Variants in ZNF30 observed in about 807,000 individuals in gnomAD.
ZNF30 encodes zinc finger protein 30, also known as zinc finger protein 30 (KOX 28).
A neutral mutation model predicts 13.2 loss-of-function variants in ZNF30; 15 were observed. The ratio of observed to expected loss-of-function variants is 1.13; its 90% CI spans 0.76 to 1.75. The LOEUF is 1.75. Among genes scored for constraint, ZNF30 ranks in the 40% most tolerant of loss-of-function variants. The pLI is 0.00. For synonymous variants in ZNF30, 223 were observed against 256.6 expected (o/e 0.87, Z 1.25); for missense variants, 726 against 757.0 (o/e 0.96, Z 0.48).
chr19:34,939,801 T>C (rs1281056493), intron 4 of ZNF30, among the ~76,000 whole-genome samples: 1 of 152,218 alleles, frequency 6.6e-6, no homozygotes, highest in African/African-American at 2.4e-5. Context: ...AGTCTTTCTT[T>C]TTTCACATGC....
At position 34,943,339 on chromosome 19, in the gene ZNF30, T is replaced by C. The variant is rs775421906; in HGVS notation, c.373T>C (p.Tyr125His). Residue 125 changes from tyrosine to histidine, a missense_variant, in exon 5 of 5, where the codon TAT becomes CAT. Physicochemically the swap from Tyr to His is moderately conservative, Grantham distance 83. Transcript: ENST00000601142. ...SRQKPRECQE[Y>H]GKTLCQDSKP... Reference sequence around the variant, plus strand: ...ACAGAAACCACGTGAATGTCAGGAATATGGAAAGACCCTTTGTCAAGACTC... The same window carrying C: ...ACAGAAACCACGTGAATGTCAGGAACATGGAAAGACCCTTTGTCAAGACTC... The C allele has an allele frequency of 1.2e-6, 2 of 1,613,992 alleles. No individual in the cohort carries two copies. Among genetic ancestry groups the C allele is most frequent in the Non-Finnish European group, 1.7e-6 (2 of 1,179,890 alleles).
At chr19:34,940,999 T>C (rs552489201) in intron 4 of ZNF30, among the ~76,000 whole-genome samples, 43 of 152,342 alleles carry the variant, frequency 2.8e-4, no homozygotes, top group African/African-American at 1.0e-3. Flanking sequence ...TCTTTAGAGA[T>C]GTGAGTACAA....
At chr19:34,925,573 T>C (rs1017280443), upstream of ZNF30, among the ~76,000 whole-genome samples, 1 of 151,902 alleles carries the variant, frequency 6.6e-6, no homozygotes, top group Non-Finnish European at 1.5e-5. Context: ...GGTCTCAGAG[T>C]ATTTATAGGG....
intron 3 of ZNF30, among the ~76,000 whole-genome samples, chr19:34,932,379 TATAAA>T (rs974907999): frequency 6.6e-6 from 1 of 152,214 alleles, no homozygotes; most frequent in Non-Finnish European, 1.5e-5. Flanking sequence ...TTTTATTTCA[TATAAA>T]ATAATCTGAT....
At position 34,931,870 on chromosome 19, in the gene ZNF30, T is replaced by A; in HGVS notation, c.37T>A (p.Ser13Thr). The stretch of plus-strand genomic sequence containing the variant: ...ATATGTGGGTTTGCAGTATCACGGA[T>A]CAGTGACATTTGAGGATGTGGCCAT... Reference protein sequence around the residue: ...HKYVGLQYHGSVTFEDVAIAF... With the variant: ...HKYVGLQYHGTVTFEDVAIAF... The change falls in exon 3 of 5, where the codon TCA becomes ACA. Residue 13 changes from serine (S) to threonine (T), a missense_variant. By Grantham distance (58) the Ser-to-Thr change is moderately conservative. Transcript: ENST00000601142. The A allele has an allele frequency of 1.2e-6, 2 of 1,612,432 alleles. No individual in the cohort carries two copies. Among genetic ancestry groups the A allele is most frequent in the South Asian group, 2.2e-5 (2 of 90,676 alleles).
intron 4 of ZNF30, among the ~76,000 whole-genome samples, chr19:34,935,508 T>C (rs1252025169): frequency 6.6e-6 from 1 of 152,160 alleles, no homozygotes; most frequent in Non-Finnish European, 1.5e-5. Context: ...GTCAGCCTGC[T>C]ATGCTTATGG....
At chr19:34,928,925 C>A (rs2012280173) in intron 1 of ZNF30, among the ~76,000 whole-genome samples, 1 of 152,204 alleles carries the variant, frequency 6.6e-6, no homozygotes, top group African/African-American at 2.4e-5. Context: ...GGGGTTCCGT[C>A]AGACATCTAC....
intron 4 of ZNF30, among the ~76,000 whole-genome samples, chr19:34,941,298 T>C (rs972863016): frequency 6.6e-6 from 1 of 152,222 alleles, no homozygotes; most frequent in Non-Finnish European, 1.5e-5. Flanking sequence ...GGAGTCTCAC[T>C]CTGTTGCCCA....
chr19:34,925,310 C>A (rs990790647), upstream of ZNF30, among the ~76,000 whole-genome samples: 1 of 152,244 alleles, frequency 6.6e-6, no homozygotes, highest in Non-Finnish European at 1.5e-5. Context: ...CCAGAAGAAT[C>A]AGATCACACA....
At chr19:34,939,035 CA>C (rs958539555) in intron 4 of ZNF30, among the ~76,000 whole-genome samples, 2 of 151,894 alleles carry the variant, frequency 1.3e-5, no homozygotes, top group Non-Finnish European at 2.9e-5. Flanking sequence ...AGAGATTCTA[CA>C]TTTAGGGAAG....
Position 34,944,905 on chromosome 19 carries a change from G to A in ZNF30, c.*67G>A. The stretch of plus-strand genomic sequence containing the variant: ...CATTGTTGAACATCGGGGAATTTAT[G>A]CTGGTAGGAAACTTTCAAATGTGAA... On this transcript the variant is annotated 3_prime_UTR_variant, in exon 5 of 5. Transcript: ENST00000601142. 1 of 1,431,192 alleles carries A rather than the reference G, an allele frequency of 7.0e-7. No individual in the cohort carries two copies. Among genetic ancestry groups the A allele is most frequent in the East Asian group, 2.3e-5 (1 of 42,646 alleles). The allele number at this position is 1,431,192 out of a possible 1,614,324, so 88.7% of individuals were successfully genotyped here.
intron 4 of ZNF30, among the ~76,000 whole-genome samples, chr19:34,936,604 C>T (rs1437702924): frequency 1.3e-5 from 2 of 152,112 alleles, no homozygotes; most frequent in African/African-American, 4.8e-5. Flanking sequence ...CACATGAGAA[C>T]TTGGGATGCA....
intron 2 of ZNF30, among the ~76,000 whole-genome samples, chr19:34,930,848 G>A (rs1035089149): frequency 1.3e-5 from 2 of 151,932 alleles, no homozygotes; most frequent in Non-Finnish European, 2.9e-5. Context: ...GGGCAACACA[G>A]TGAGACTGTG....
intron 4 of ZNF30, among the ~76,000 whole-genome samples, chr19:34,938,388 A>AT (rs1179574962): frequency 1.3e-5 from 2 of 151,844 alleles, no homozygotes; most frequent in African/African-American, 2.4e-5. Flanking sequence ...TTTCTTTTTT[A>AT]TTTTTTTATA....
In ZNF30 at chr19:34,928,244, TATATATATA is replaced by T. The variant is rs1413808612; in HGVS notation, c.-65+1029_-65+1037del. ...AAATATATATATATATATATATATA[TATATATATA>T]TAGATAGATAGATAGATAGATACAT... On this transcript the variant is annotated intron_variant, in intron 1 of 4. Coordinates refer to ENST00000601142, the MANE Select transcript of ZNF30 (RefSeq NM_194325.3). 1.7e-4 allele frequency among the ~76,000 whole-genome samples: 9 copies of T among 54,354 alleles called. 1 individual carries two copies. The East Asian group carries it at 3.1e-3, about 18-fold the overall frequency. 35.7% of individuals were successfully genotyped at this position (54,354 alleles called of 152,430 possible).
upstream of ZNF30, chr19:34,926,685 T>A (rs144451811): frequency 5.8e-6 from 2 of 344,792 alleles, no homozygotes; most frequent in Non-Finnish European, 1.0e-5. Context: ...TATTTTGGTA[T>A]AGATTATCAT....
intron 3 of ZNF30, 59 bp from the exon 4 acceptor site, chr19:34,933,569 C>A: frequency 7.7e-7 from 1 of 1,306,636 alleles, no homozygotes; most frequent in Non-Finnish European, 1.1e-6. Flanking sequence ...TTAACCAAAG[C>A]TGGAAGTATT....
chr19:34,937,233 G>A (rs113388577), intron 4 of ZNF30, among the ~76,000 whole-genome samples: 6,581 of 151,948 alleles, frequency 0.043, 354 homozygotes, highest in African/African-American at 0.13. Context: ...GGTCGGTTTC[G>A]AACTCCTGAC....
upstream of ZNF30, chr19:34,926,781 G>C (rs139793234): frequency 1.5e-5 from 6 of 394,538 alleles, no homozygotes; most frequent in Non-Finnish European, 2.2e-5. Context: ...CACCTACTTC[G>C]GGCCTCAGGT....
Sources: gnomAD v4.1 joint callset for allele counts (sites outside exome capture counted in the v4.1 genomes callset) on GRCh38, gnomAD v4.1.1 for gene constraint, MANE v1.5 for transcripts, NCBI Gene and HGNC (gene_info 2026-07-23, HGNC 2026-07-21) for gene names.